The following LRCH1 variants were observed in gnomAD, a reference collection of about 807,000 sequenced individuals.
The protein encoded by LRCH1 is leucine-rich repeat and calponin homology domain-containing protein 1.
LRCH1 carries 23 observed loss-of-function variants against 94.9 expected under a neutral mutation model. That is an observed-to-expected ratio of 0.24 (90% CI 0.17 to 0.34). The LOEUF (loss-of-function observed/expected upper bound fraction) is 0.34. LRCH1 is among the 10% of genes least tolerant of loss of function. LRCH1 has a pLI of 1.00. For missense variants in LRCH1, 790 were observed against 945.9 expected (o/e 0.84, Z 2.16); for synonymous variants, 364 against 354.9 (o/e 1.03, Z -0.29).
intron 8 of LRCH1, among the ~76,000 whole-genome samples, chr13:46,693,990 G>A (rs981561939): frequency 6.6e-6 from 1 of 152,108 alleles, no homozygotes. Flanking sequence ...TTTAAGTTTA[G>A]CATTTCTGTT....
intron 1 of LRCH1, among the ~76,000 whole-genome samples, chr13:46,602,970 A>ATGCATG (rs1555272014): frequency 7.4e-6 from 1 of 136,042 alleles, no homozygotes; most frequent in Non-Finnish European, 1.6e-5. Context: ...ATGCATACAT[A>ATGCATG]CATGCATGCA....
chr13:46,621,460 CAAG>C (rs1162473492), intron 1 of LRCH1, among the ~76,000 whole-genome samples: 2 of 152,090 alleles, frequency 1.3e-5, no homozygotes, highest in Non-Finnish European at 2.9e-5. Context: ...CAGCAGAAAA[CAAG>C]AAAAGGTTAC....
chr13:46,555,927 G>C lies in LRCH1; in HGVS notation c.307+2224G>C, dbSNP rs17270806. Among the ~76,000 whole-genome samples the C allele has an allele frequency of 8.8e-3, 1,338 of 152,294 alleles. 6 individuals are homozygous for C. The highest frequency in any genetic ancestry group is 0.017 in the Middle Eastern group (5 of 294). ...AGTTTCTTATTTGAGAGACCAGAAA[G>C]CAAAATAAAGAGTTAAAGTTACCTC... On this transcript the variant is annotated intron_variant, in intron 1 of 19. Transcript: ENST00000389797.
chr13:46,708,565 C>A (rs1004394635), intron 13 of LRCH1, among the ~76,000 whole-genome samples: 2 of 152,216 alleles, frequency 1.3e-5, no homozygotes, highest in Non-Finnish European at 2.9e-5. Flanking sequence ...AGCCACTGCA[C>A]CCAGCCTGAT....
At chr13:46,749,556 A>G (rs563930078), downstream of LRCH1, among the ~76,000 whole-genome samples, 38 of 152,360 alleles carry the variant, frequency 2.5e-4, no homozygotes, top group African/African-American at 8.9e-4. Flanking sequence ...TAGCCATTCC[A>G]CAATGTATAC....
intron 1 of LRCH1, among the ~76,000 whole-genome samples, chr13:46,635,108 A>G (rs2051067192): frequency 6.6e-6 from 1 of 152,206 alleles, no homozygotes. Context: ...TATTTATTTC[A>G]GTGAGGTGTC....
chr13:46,626,203 T>G (rs2050947330), intron 1 of LRCH1, among the ~76,000 whole-genome samples: 1 of 152,178 alleles, frequency 6.6e-6, no homozygotes, highest in Admixed American at 6.5e-5. Flanking sequence ...CTTTTCAGTG[T>G]GCAAAGGTGG....
chr13:46,586,464 G>C (rs540607405), intron 1 of LRCH1, among the ~76,000 whole-genome samples: 5 of 152,280 alleles, frequency 3.3e-5, no homozygotes, highest in African/African-American at 1.2e-4. Context: ...CACTCAGGCT[G>C]GAGTGCAGAG....
In LRCH1 at chr13:46,685,173, G is replaced by A. The variant is rs530652512; in HGVS notation, c.686-732G>A. On this transcript the variant is annotated intron_variant, in intron 4 of 19. Coordinates refer to ENST00000389797, the MANE Select transcript of LRCH1 (RefSeq NM_001164211.2). ...GCCTGCATCACCCTAGATGTCTGGC[G>A]TGGCCCAGCCTCTCTGCTCTATGGA... Among the ~76,000 whole-genome samples the A allele has an allele frequency of 7.2e-5, 11 of 152,236 alleles. No homozygotes were observed. The East Asian group carries it at 9.6e-4, about 13-fold the overall frequency.
intron 1 of LRCH1, among the ~76,000 whole-genome samples, chr13:46,598,182 CTCCATGGTT>C (rs1487717082): frequency 6.6e-6 from 1 of 152,186 alleles, no homozygotes; most frequent in East Asian, 1.9e-4. Context: ...AGAGTTTAAA[CTCCATGGTT>C]TCTGAGGCAT....
At position 46,553,170 on chromosome 13, in the gene LRCH1, G is replaced by T. The variant is rs1231469192; in HGVS notation, c.-227G>T. ...CGCTGCCGCCGCCGCCGCCGCCGCC[G>T]CAGTCCTTAGCTTCCCGGGGACAGG... On this transcript the variant is annotated 5_prime_UTR_variant, in exon 1 of 20. Transcript: ENST00000389797. 12 of 567,532 alleles carry T rather than the reference G, an allele frequency of 2.1e-5. No individual in the cohort carries two copies. The highest frequency in any genetic ancestry group is 2.4e-5 in the Non-Finnish European group (8 of 327,640). 35.2% of individuals were successfully genotyped at this position (567,532 alleles called of 1,614,324 possible).
intron 2 of LRCH1, among the ~76,000 whole-genome samples, chr13:46,659,167 T>G (rs1202672177): frequency 1.8e-3 from 11 of 6,252 alleles, no homozygotes; most frequent in East Asian, 0.045. Flanking sequence ...ACTTCAGATT[T>G]ATTTATTTAT....
chr13:46,692,672 T>G (rs1342507891), intron 8 of LRCH1, 31 bp downstream of exon 8: 1 of 1,523,248 alleles, frequency 6.6e-7, no homozygotes, highest in East Asian at 2.3e-5. Context: ...AGAAAGTGCT[T>G]GTTTTTCAGT....
chr13:46,701,618 G>A (rs1347855872), intron 11 of LRCH1, among the ~76,000 whole-genome samples: 1 of 152,160 alleles, frequency 6.6e-6, no homozygotes, highest in Non-Finnish European at 1.5e-5. Context: ...TTTATATGGG[G>A]TAGTGCCAAA....
intron 3 of LRCH1, among the ~76,000 whole-genome samples, chr13:46,681,263 A>G (rs1027004742): frequency 6.6e-6 from 1 of 152,220 alleles, no homozygotes; most frequent in African/African-American, 2.4e-5. Flanking sequence ...AGAGTTTGGT[A>G]AAATAAGATG....
rs60234537 is a variant in LRCH1 at position 46,557,167 on chromosome 13, A to AT, written c.307+3478dup. Reference sequence around the variant, plus strand: ...ACAAATTTGCATATGAGTAAAGCAAATTTTTTTTTTTTTTGGTGCTGATTT... The same window carrying AT: ...ACAAATTTGCATATGAGTAAAGCAAATTTTTTTTTTTTTTTGGTGCTGATTT... On this transcript the variant is annotated intron_variant, in intron 1 of 19. Transcript: ENST00000389797. 4.4e-3 allele frequency among the ~76,000 whole-genome samples: 659 copies of AT among 148,408 alleles called. 4 individuals carry two copies. The highest frequency in any genetic ancestry group is 0.026 in the South Asian group (122 of 4,676).
At chr13:46,618,896 AT>A (rs1382502095) in intron 1 of LRCH1, among the ~76,000 whole-genome samples, 1 of 152,050 alleles carries the variant, frequency 6.6e-6, no homozygotes, top group African/African-American at 2.4e-5. Flanking sequence ...TGTTTTCCCC[AT>A]GTGGGTTTGT....
At chr13:46,619,062 T>G (rs533536783) in intron 1 of LRCH1, among the ~76,000 whole-genome samples, 1 of 144,862 alleles carries the variant, frequency 6.9e-6, no homozygotes, top group South Asian at 2.2e-4. Flanking sequence ...TTTCTTTTCT[T>G]TTTTCCTTCC....
intron 1 of LRCH1, among the ~76,000 whole-genome samples, chr13:46,586,698 C>T (rs1169048723): frequency 4.6e-5 from 7 of 152,174 alleles, no homozygotes; most frequent in African/African-American, 1.4e-4. Flanking sequence ...GGATTACAGG[C>T]GTGAGCCACC....
Sources: gnomAD v4.1 joint callset for allele counts (sites outside exome capture counted in the v4.1 genomes callset) on GRCh38, gnomAD v4.1.1 for gene constraint, MANE v1.5 for transcripts, NCBI Gene and HGNC (gene_info 2026-07-23, HGNC 2026-07-21) for gene names.